NRXN3: variants seen among roughly 807,000 people sequenced by gnomAD.
NRXN3 encodes neurexin III.
In NRXN3, 32 loss-of-function variants were observed where a neutral mutation model predicts 137.6. The ratio of observed to expected loss-of-function variants is 0.23; its 90% CI spans 0.18 to 0.31. The LOEUF is 0.31. Ranked by LOEUF, NRXN3 falls within the 10% of genes least tolerant of loss-of-function variation. The pLI is 1.00. For missense variants in NRXN3, 1,574 were observed against 2,062.5 expected (o/e 0.76, Z 4.59); for synonymous variants, 798 against 784.5 (o/e 1.02, Z -0.29).
chr14:78,488,130 A>G (rs1315212532), intron 4 of NRXN3, among the ~76,000 whole-genome samples: 2 of 152,152 alleles, frequency 1.3e-5, no homozygotes, highest in Non-Finnish European at 2.9e-5. Context: ...CCCCATGTGT[A>G]CATCCCTGGT....
chr14:78,949,825 C>G (rs2152941855), intron 10 of NRXN3, among the ~76,000 whole-genome samples: 1 of 152,184 alleles, frequency 6.6e-6, no homozygotes, highest in East Asian at 1.9e-4. Context: ...TATTAATGTA[C>G]TAGACCTTTA....
At chr14:78,640,848 C>G (rs1404401776) in intron 4 of NRXN3, among the ~76,000 whole-genome samples, 1 of 152,146 alleles carries the variant, frequency 6.6e-6, no homozygotes, top group African/African-American at 2.4e-5. Context: ...TTCATTTTTA[C>G]ACTTATGCAG....
chr14:79,438,991 T>G (rs2095887608), intron 15 of NRXN3, among the ~76,000 whole-genome samples: 1 of 152,258 alleles, frequency 6.6e-6, no homozygotes, highest in Admixed American at 6.5e-5. Flanking sequence ...CACCATACAT[T>G]GAAACAAGAT....
At chr14:79,082,708 C>T (rs550650829) in intron 15 of NRXN3, among the ~76,000 whole-genome samples, 2 of 152,170 alleles carry the variant, frequency 1.3e-5, no homozygotes, top group South Asian at 4.2e-4. Flanking sequence ...TTATCATGCA[C>T]GTTACATCAG....
At chr14:78,591,407 C>A (rs185504296) in intron 4 of NRXN3, among the ~76,000 whole-genome samples, 1 of 152,196 alleles carries the variant, frequency 6.6e-6, no homozygotes, top group Admixed American at 6.5e-5. Context: ...GGCTGTGGAC[C>A]ACATTTTGAG....
chr14:78,685,939 G>A (rs1027314517), intron 6 of NRXN3, among the ~76,000 whole-genome samples: 3 of 151,140 alleles, frequency 2.0e-5, no homozygotes, highest in Admixed American at 6.6e-5. Flanking sequence ...GTGTGCCACC[G>A]CACCCGGCCA....
intron 17 of NRXN3, among the ~76,000 whole-genome samples, chr14:79,677,803 C>T (rs1047331419): frequency 6.6e-6 from 1 of 152,152 alleles, no homozygotes; most frequent in Non-Finnish European, 1.5e-5. Context: ...CCCAGACCTT[C>T]ATGGACAATT....
At chr14:79,673,002 CA>C (rs2098618583) in intron 17 of NRXN3, among the ~76,000 whole-genome samples, 1 of 151,928 alleles carries the variant, frequency 6.6e-6, no homozygotes, top group South Asian at 2.1e-4. Context: ...TTCTATAAAG[CA>C]GAGAAGGTAA....
chr14:79,412,717 A>C (rs1437194217), intron 15 of NRXN3, among the ~76,000 whole-genome samples: 1 of 126,714 alleles, frequency 7.9e-6, no homozygotes, highest in African/African-American at 3.0e-5. Context: ...CAGGTGGCGG[A>C]GGTTGTAATG....
chr14:79,667,340 C>T (rs920228828), intron 17 of NRXN3, among the ~76,000 whole-genome samples: 7 of 151,876 alleles, frequency 4.6e-5, no homozygotes, highest in African/African-American at 1.4e-4. Flanking sequence ...AGAGTAGCTC[C>T]TATAGAAGAT....
Position 78,579,370 on chromosome 14 carries a change from C to T in NRXN3, c.758-65750C>T, listed in dbSNP as rs144885163. 2.4e-3 allele frequency among the ~76,000 whole-genome samples: 368 copies of T among 152,220 alleles called. 1 individual carries two copies. The highest frequency in any genetic ancestry group is 8.4e-3 in the African/African-American group (351 of 41,548). The stretch of plus-strand genomic sequence containing the variant: ...GATTCAGTGAATATCTCCCTTAGGG[C>T]GAAGCTCAGCCTTCTCCACTTCACT... On this transcript the variant is annotated intron_variant, in intron 4 of 20. Transcript: ENST00000335750.
chr14:79,010,035 T>A (rs1225757246), intron 15 of NRXN3, among the ~76,000 whole-genome samples: 2 of 152,236 alleles, frequency 1.3e-5, no homozygotes, highest in African/African-American at 2.4e-5. Flanking sequence ...AGGGCTCTGA[T>A]ACATACATAT....
At chr14:79,519,049 C>T (rs1394527657) in intron 16 of NRXN3, among the ~76,000 whole-genome samples, 2 of 152,106 alleles carry the variant, frequency 1.3e-5, no homozygotes, top group Non-Finnish European at 2.9e-5. Flanking sequence ...CTTTTCTGGG[C>T]CTCGTGCTTT....
intron 16 of NRXN3, among the ~76,000 whole-genome samples, chr14:79,622,182 C>T (rs1317853525): frequency 6.6e-6 from 1 of 152,146 alleles, no homozygotes; most frequent in African/African-American, 2.4e-5. Flanking sequence ...CCATAATTAG[C>T]ACAGGGTACC....
intron 4 of NRXN3, among the ~76,000 whole-genome samples, chr14:78,571,940 G>A (rs1054507925): frequency 6.6e-6 from 1 of 152,098 alleles, no homozygotes; most frequent in Non-Finnish European, 1.5e-5. Flanking sequence ...CTGAGCAAAT[G>A]TATACACTGC....
At chr14:79,431,602 C>T (rs1479841378) in intron 15 of NRXN3, among the ~76,000 whole-genome samples, 1 of 151,982 alleles carries the variant, frequency 6.6e-6, no homozygotes. Flanking sequence ...ACAAAAGAAG[C>T]TTTAAAAGAA....
At chr14:78,582,890 G>A (rs1471397100) in intron 4 of NRXN3, among the ~76,000 whole-genome samples, 1 of 152,190 alleles carries the variant, frequency 6.6e-6, no homozygotes, top group Non-Finnish European at 1.5e-5. Context: ...CTGTTCTGCA[G>A]AGTTAACAAC....
chr14:78,984,495 A>T (rs2099497951), intron 14 of NRXN3, among the ~76,000 whole-genome samples: 1 of 152,224 alleles, frequency 6.6e-6, no homozygotes, highest in African/African-American at 2.4e-5. Flanking sequence ...TTTTGAGCTG[A>T]AACTCAAAGA....
intron 15 of NRXN3, among the ~76,000 whole-genome samples, chr14:79,430,321 T>C (rs2095728442): frequency 1.3e-5 from 2 of 152,308 alleles, no homozygotes; most frequent in South Asian, 2.1e-4. Context: ...ATCAGGTACC[T>C]CAAACGTGAT....
Sources: gnomAD v4.1 joint callset for allele counts (sites outside exome capture counted in the v4.1 genomes callset) on GRCh38, gnomAD v4.1.1 for gene constraint, MANE v1.5 for transcripts, NCBI Gene and HGNC (gene_info 2026-07-23, HGNC 2026-07-21) for gene names.